WDPCP: variants seen among roughly 807,000 people sequenced by gnomAD.
The protein encoded by WDPCP is WD repeat-containing and planar cell polarity effector protein fritz homolog.
A neutral mutation model predicts 93.1 loss-of-function variants in WDPCP; 71 were observed. The observed-to-expected ratio is 0.76, with a 90% CI of 0.63 to 0.93. WDPCP has a LOEUF of 0.93. Among genes scored for constraint, WDPCP ranks in the 40% least tolerant of loss-of-function variants. WDPCP has a pLI of 0.00. For synonymous variants in WDPCP, 315 were observed against 315.0 expected (o/e 1.00, Z 0.00); for missense variants, 844 against 887.4 (o/e 0.95, Z 0.62).
intron 14 of WDPCP, among the ~76,000 whole-genome samples, chr2:63,188,868 C>T (rs948479725): frequency 4.6e-5 from 7 of 151,974 alleles, no homozygotes; most frequent in South Asian, 2.1e-4. Context: ...TATGCCTTGT[C>T]GTCTTTTGTT....
chr2:63,287,758 A>G (rs2104986979), intron 13 of WDPCP, among the ~76,000 whole-genome samples: 1 of 152,346 alleles, frequency 6.6e-6, no homozygotes, highest in Admixed American at 6.5e-5. Context: ...ACTCAATCTA[A>G]TATCTTAAAA....
intron 2 of WDPCP, among the ~76,000 whole-genome samples, chr2:63,777,971 T>C (rs1367795621): frequency 6.6e-6 from 1 of 152,204 alleles, no homozygotes; most frequent in Non-Finnish European, 1.5e-5. Flanking sequence ...TAGATGATTC[T>C]GGTAAGGAGG....
chr2:63,583,697 A>G (rs1190264901), intron 1 of WDPCP, among the ~76,000 whole-genome samples: 1 of 151,806 alleles, frequency 6.6e-6, no homozygotes, highest in Admixed American at 6.6e-5. Flanking sequence ...AAAAAAAGAA[A>G]GAAATTTTGA....
In WDPCP at chr2:63,648,804, A is replaced by C. The variant is rs181502588; in HGVS notation, n.488+1855T>G. On this transcript the variant is annotated intron_variant and non_coding_transcript_variant, in intron 3 of 4. Transcript: ENST00000467687. ...CCACTCTGGTGAACACAGCAGAAAG[A>C]ATGACTACCTTCTTCCTTAAGTGGA... is the stretch of plus-strand genomic sequence containing the variant. 1.1e-4 allele frequency among the ~76,000 whole-genome samples: 16 copies of C among 152,314 alleles called. No homozygotes were observed. In the East Asian group the frequency reaches 2.9e-3, roughly 28 times the overall value.
chr2:63,702,091 T>C (rs1190606190), intron 2 of WDPCP, among the ~76,000 whole-genome samples: 1 of 152,188 alleles, frequency 6.6e-6, no homozygotes, highest in African/African-American at 2.4e-5. Context: ...AATGGCACGA[T>C]CTCTGCTCCC....
rs553352394 is a variant in WDPCP at position 63,255,821 on chromosome 2, G to A, written c.1915+3486C>T. Among the ~76,000 whole-genome samples the A allele has an allele frequency of 1.9e-4, 29 of 152,136 alleles. 1 individual carries two copies. In the South Asian group the frequency reaches 5.8e-3, roughly 31 times the overall value. Reference sequence around the variant, plus strand: ...ATTCAAAAGAATTTACTAACTGTTGGCATTAATAAGCGAATTTATCACTTA... The same window carrying A: ...ATTCAAAAGAATTTACTAACTGTTGACATTAATAAGCGAATTTATCACTTA... On this transcript the variant is annotated intron_variant, in intron 14 of 17. Transcript: ENST00000272321.
At chr2:63,197,940 T>C (rs909651426) in intron 14 of WDPCP, among the ~76,000 whole-genome samples, 3 of 152,194 alleles carry the variant, frequency 2.0e-5, no homozygotes, top group African/African-American at 4.8e-5. Flanking sequence ...ACGTAGCATA[T>C]TGACAGGTTC....
At chr2:63,168,107 CA>C (rs957507138) in intron 15 of WDPCP, among the ~76,000 whole-genome samples, 12,031 of 53,536 alleles carry the variant, frequency 0.22, 184 homozygotes, top group Non-Finnish European at 0.29. Context: ...GAGACCCTGC[CA>C]AAAAAAAAAA....
chr2:63,536,894 T>C (rs900782147), intron 1 of WDPCP, among the ~76,000 whole-genome samples: 9 of 149,936 alleles, frequency 6.0e-5, no homozygotes, highest in Admixed American at 5.4e-4. Context: ...GCCTCCCAAG[T>C]AGCTGGGATT....
intron 2 of WDPCP, among the ~76,000 whole-genome samples, chr2:63,688,448 G>T (rs1666454210): frequency 6.6e-6 from 1 of 151,620 alleles, no homozygotes; most frequent in South Asian, 2.1e-4. Flanking sequence ...AAGTTAAAAC[G>T]ATTGAACTCA....
chr2:63,573,090 A>C (rs1342660872), intron 1 of WDPCP, among the ~76,000 whole-genome samples: 2 of 152,070 alleles, frequency 1.3e-5, no homozygotes, highest in South Asian at 4.2e-4. Context: ...CTTAAAAAAA[A>C]TAATTTTTTA....
intron 14 of WDPCP, among the ~76,000 whole-genome samples, chr2:63,207,194 C>T (rs1272543384): frequency 6.6e-6 from 1 of 152,140 alleles, no homozygotes; most frequent in Non-Finnish European, 1.5e-5. Flanking sequence ...ATCTCATTAT[C>T]CAATAGATTT....
In WDPCP at chr2:63,275,491, C is replaced by T. The variant is rs145869009; in HGVS notation, c.1813-16082G>A. Among the ~76,000 whole-genome samples the T allele has an allele frequency of 2.0e-3, 312 of 152,212 alleles. 2 individuals carry two copies. Among genetic ancestry groups the T allele is most frequent in the African/African-American group, 5.8e-3 (243 of 41,554 alleles). On this transcript the variant is annotated intron_variant, in intron 13 of 17. Coordinates refer to ENST00000272321, the MANE Select transcript of WDPCP (RefSeq NM_015910.7). ...GAAAAAACAAAGTCAGATTTGCAGA[C>T]GGCATGATCTTATACCTAGAAAGTT... is the stretch of plus-strand genomic sequence containing the variant.
At chr2:63,328,006 C>T (rs745510732) in intron 12 of WDPCP, among the ~76,000 whole-genome samples, 1 of 152,142 alleles carries the variant, frequency 6.6e-6, no homozygotes, top group Non-Finnish European at 1.5e-5. Flanking sequence ...GAGCAGTCAT[C>T]GGCCAAATTC....
chr2:63,814,160 C>T (rs1332283218), intron 1 of WDPCP, among the ~76,000 whole-genome samples: 7 of 152,164 alleles, frequency 4.6e-5, no homozygotes. Context: ...CAATATGTGA[C>T]TGGTTACCCA....
chr2:63,490,782 A>G (rs1225915117), intron 2 of WDPCP, among the ~76,000 whole-genome samples: 2 of 152,278 alleles, frequency 1.3e-5, no homozygotes, highest in African/African-American at 4.8e-5. Flanking sequence ...TGAACAGAGG[A>G]CAAGGGGTAA....
chr2:63,594,718 G>A, intron 3 of WDPCP: 4 of 653,432 alleles, frequency 6.1e-6, no homozygotes, highest in Admixed American at 2.8e-5. Context: ...TAGGCACATT[G>A]CTATAAATGG....
At chr2:63,378,096 A>T (rs963542648) in intron 12 of WDPCP, 16 of 386,500 alleles carry the variant, frequency 4.1e-5, no homozygotes, top group African/African-American at 2.9e-4. Flanking sequence ...ACTTAGTGCG[A>T]GTAGCACAAT....
intron 2 of WDPCP, among the ~76,000 whole-genome samples, chr2:63,692,731 T>C (rs1668908176): frequency 6.6e-6 from 1 of 152,176 alleles, no homozygotes; most frequent in Non-Finnish European, 1.5e-5. Flanking sequence ...TTCTGAAAAA[T>C]ATATCTAGGA....
Sources: allele counts gnomAD v4.1 joint callset (sites outside exome capture counted in the v4.1 genomes callset), GRCh38; gene constraint gnomAD v4.1.1; transcripts MANE v1.5; gene names NCBI Gene and HGNC (gene_info 2026-07-23, HGNC 2026-07-21).